The following OPCML variants were observed in gnomAD, a reference collection of about 807,000 sequenced individuals.
OPCML encodes opioid-binding protein/cell adhesion molecule.
A neutral mutation model predicts 37.8 loss-of-function variants in OPCML; 13 were observed. The ratio of observed to expected loss-of-function variants is 0.34; its 90% CI spans 0.22 to 0.55. The LOEUF is 0.55. OPCML is among the 20% of genes least tolerant of loss of function. The probability of loss-of-function intolerance (pLI) is 0.91; values close to 1 mark genes in which losing one functional copy is unlikely to be tolerated. For synonymous variants in OPCML, 176 were observed against 168.8 expected, an observed-to-expected ratio of 1.04 and a Z score of -0.33; for missense variants, 341 against 435.6, an observed-to-expected ratio of 0.78 and a Z score of 1.93.
chr11:132,902,117 A>G (rs1162163610), intron 2 of OPCML, among the ~76,000 whole-genome samples: 3 of 152,214 alleles, frequency 2.0e-5, no homozygotes, highest in Non-Finnish European at 4.4e-5. Context: ...GCCAGATCAG[A>G]GGAAATGGTC....
At chr11:133,080,310 C>G (rs1213917285) in intron 1 of OPCML, among the ~76,000 whole-genome samples, 1 of 152,110 alleles carries the variant, frequency 6.6e-6, no homozygotes, top group Admixed American at 6.6e-5. Context: ...TGGGATGATG[C>G]CTGGAACTTT....
chr11:132,416,862 T>G lies in OPCML; in HGVS notation c.*3331A>C, dbSNP rs1310580733. On this transcript the variant is annotated 3_prime_UTR_variant, in exon 8 of 8. Transcript: ENST00000524381. ...TAAACATGCTTGTTTAGACTTGCAGTCGACTGTATCAGGCACTTGACATTA... is the reference window on the plus strand; with the variant it reads ...TAAACATGCTTGTTTAGACTTGCAGGCGACTGTATCAGGCACTTGACATTA... The G allele has an allele frequency of 6.6e-6, 1 of 152,616 alleles. No individual in the cohort carries two copies. The highest frequency in any genetic ancestry group is 1.5e-5 in the Non-Finnish European group (1 of 68,034). The allele number at this position is 152,616 out of a possible 1,614,324, so 9.5% of individuals were successfully genotyped here. A position where few individuals can be genotyped will look rare whatever the true frequency, so the allele number is the denominator to read the frequency against.
chr11:132,495,917 G>A (rs1405736418), intron 4 of OPCML, among the ~76,000 whole-genome samples: 1 of 149,742 alleles, frequency 6.7e-6, no homozygotes, highest in Non-Finnish European at 1.5e-5. Flanking sequence ...AAAAAAGTTT[G>A]TTCTAAGTGA....
At chr11:133,321,344 C>G (rs540815403) in intron 1 of OPCML, among the ~76,000 whole-genome samples, 1 of 152,112 alleles carries the variant, frequency 6.6e-6, no homozygotes, top group Non-Finnish European at 1.5e-5. Context: ...GTTTCATTTC[C>G]ACTTAGAGTC....
chr11:132,688,404 A>AT (rs1943255533), intron 2 of OPCML, among the ~76,000 whole-genome samples: 1 of 152,164 alleles, frequency 6.6e-6, no homozygotes, highest in Non-Finnish European at 1.5e-5. Context: ...AGCTTGAGAC[A>AT]TTGAGTGTGA....
At chr11:133,522,807 C>T (rs4936195) in intron 1 of OPCML, among the ~76,000 whole-genome samples, 3 of 151,986 alleles carry the variant, frequency 2.0e-5, no homozygotes, top group African/African-American at 7.3e-5. Flanking sequence ...TGAAAGCACT[C>T]AACTAGACAA....
intron 1 of OPCML, among the ~76,000 whole-genome samples, chr11:133,480,792 A>G (rs957858704): frequency 6.6e-5 from 10 of 152,258 alleles, no homozygotes; most frequent in Non-Finnish European, 1.0e-4. Context: ...ACAGAGGATC[A>G]TGCAACATTT....
At chr11:132,449,618 A>G (rs1035598206) in intron 4 of OPCML, among the ~76,000 whole-genome samples, 1 of 152,158 alleles carries the variant, frequency 6.6e-6, no homozygotes, top group African/African-American at 2.4e-5. Context: ...ATGATGCCCA[A>G]ACTTTCAGCT....
intron 3 of OPCML, among the ~76,000 whole-genome samples, chr11:132,618,146 G>T (rs1223490517): frequency 6.6e-6 from 1 of 152,296 alleles, no homozygotes; most frequent in East Asian, 1.9e-4. Context: ...CATGATGACA[G>T]CACCAACTTT....
chr11:133,249,832 A>G (rs1941066802), intron 1 of OPCML, among the ~76,000 whole-genome samples: 1 of 152,228 alleles, frequency 6.6e-6, no homozygotes, highest in Non-Finnish European at 1.5e-5. Context: ...TCCAAATACA[A>G]TGCTAGAAGG....
chr11:133,200,008 C>T (rs189708267), intron 1 of OPCML, among the ~76,000 whole-genome samples: 4 of 152,320 alleles, frequency 2.6e-5, no homozygotes, highest in African/African-American at 9.6e-5. Context: ...ATCCAGCCTT[C>T]ACGAGACTGT....
chr11:133,094,848 G>A (rs1948972676), intron 1 of OPCML, among the ~76,000 whole-genome samples: 1 of 152,068 alleles, frequency 6.6e-6, no homozygotes. Context: ...AGTTTGGGAA[G>A]ATTTCATGAC....
At chr11:133,434,306 G>A (rs993263496) in intron 1 of OPCML, among the ~76,000 whole-genome samples, 3 of 152,012 alleles carry the variant, frequency 2.0e-5, no homozygotes, top group Admixed American at 6.6e-5. Flanking sequence ...CTCAAAGTCC[G>A]GAAAAGTGCT....
At chr11:132,634,059 A>T (rs1940328599) in intron 3 of OPCML, among the ~76,000 whole-genome samples, 1 of 152,168 alleles carries the variant, frequency 6.6e-6, no homozygotes. Flanking sequence ...TAGCAGAAGC[A>T]AAAAGGGAAA....
chr11:133,314,962 A>C (rs570312385), intron 1 of OPCML, among the ~76,000 whole-genome samples: 1 of 146,304 alleles, frequency 6.8e-6, no homozygotes, highest in South Asian at 2.2e-4. Flanking sequence ...TAGGACCTTG[A>C]AAACCACACC....
intron 2 of OPCML, among the ~76,000 whole-genome samples, chr11:132,746,740 GT>G (rs1945648461): frequency 6.6e-6 from 1 of 152,178 alleles, no homozygotes; most frequent in Non-Finnish European, 1.5e-5. Flanking sequence ...ACAGAGGTGG[GT>G]TTTTGTCATT....
At chr11:132,955,124 C>T (rs1374824970) in intron 1 of OPCML, among the ~76,000 whole-genome samples, 4 of 152,064 alleles carry the variant, frequency 2.6e-5, no homozygotes, top group Non-Finnish European at 5.9e-5. Flanking sequence ...TCCAGGGTGT[C>T]GAGCTTAGCT....
intron 1 of OPCML, among the ~76,000 whole-genome samples, chr11:133,427,975 AG>A (rs1468796859): frequency 6.6e-6 from 1 of 152,204 alleles, no homozygotes; most frequent in African/African-American, 2.4e-5. Context: ...ATTTCATAAA[AG>A]TTCCCATTCT....
At chr11:132,828,041 A>T (rs371756738) in intron 2 of OPCML, among the ~76,000 whole-genome samples, 4 of 152,314 alleles carry the variant, frequency 2.6e-5, no homozygotes, top group Admixed American at 2.0e-4. Context: ...ACATCCAGGC[A>T]ATGGAATATT....
Sources: gnomAD v4.1 joint callset for allele counts (sites outside exome capture counted in the v4.1 genomes callset) on GRCh38, gnomAD v4.1.1 for gene constraint, MANE v1.5 for transcripts, NCBI Gene and HGNC (gene_info 2026-07-23, HGNC 2026-07-21) for gene names.